The following HEATR4 variants were observed in gnomAD, a reference collection of about 807,000 sequenced individuals.
HEATR4 encodes HEAT repeat-containing protein 4.
A neutral mutation model predicts 108.8 loss-of-function variants in HEATR4; 95 were observed. The ratio of observed to expected loss-of-function variants is 0.87; its 90% CI spans 0.74 to 1.04. The LOEUF is 1.04. HEATR4 is among the 50% of genes least tolerant of loss of function. The probability of loss-of-function intolerance (pLI) is 0.00; values close to 1 mark genes in which losing one functional copy is unlikely to be tolerated. For missense variants in HEATR4, 1,152 were observed against 1,253.8 expected, an observed-to-expected ratio of 0.92 and a Z score of 1.23; for synonymous variants, 443 against 459.4, an observed-to-expected ratio of 0.96 and a Z score of 0.46.
the HEATR4 span, chr14:73,617,270 AAC>A: frequency 6.4e-7 from 1 of 1,568,694 alleles, no homozygotes; most frequent in Non-Finnish European, 8.8e-7. Context: ...GCCCTGCCAG[AAC>A]ACTGAGAACT....
chr14:73,630,540 C>CAGG, the HEATR4 span, among the ~76,000 whole-genome samples: 1 of 152,222 alleles, frequency 6.6e-6, no homozygotes, highest in East Asian at 1.9e-4. Flanking sequence ...AGTGGGGAAA[C>CAGG]CCAGCAAGGC....
In HEATR4 at chr14:73,523,015, C is replaced by A; in HGVS notation, c.138G>T (p.Val46=). 6.2e-7 allele frequency: 1 copy of A among 1,613,988 alleles called. No homozygotes were observed. The highest frequency in any genetic ancestry group is 8.5e-7 in the Non-Finnish European group (1 of 1,180,042). ...ACTGTGAGCTGAAGAAGACCATAGG[C>A]ACACTGGAGACAGAGGCACACTCCT... The part of the protein sequence containing the change: ...GKEECASVSS[V]PMVFFSSQYR... The change falls in exon 3 of 18, where the codon GTG becomes GTT. Residue 46 remains valine, a synonymous_variant. Coordinates refer to ENST00000553558, the MANE Select transcript of HEATR4 (RefSeq NM_001220484.1).
At chr14:73,567,082 C>G in the HEATR4 span, among the ~76,000 whole-genome samples, 1,117 of 152,186 alleles carry the variant, frequency 7.3e-3, 22 homozygotes, top group African/African-American at 0.025. Context: ...TCTGGGATTA[C>G]AGGTGTGAGC....
At chr14:73,575,488 A>G in the HEATR4 span, 1 of 1,508,768 alleles carries the variant, frequency 6.6e-7, no homozygotes, top group African/African-American at 1.5e-5. Context: ...GGTGGCCACG[A>G]GGGGACAATC....
At chr14:73,495,125 T>C in intron 16 of HEATR4, 103 bp downstream of exon 16, 1 of 958,370 alleles carries the variant, frequency 1.0e-6, no homozygotes, top group Non-Finnish European at 1.6e-6. Flanking sequence ...CTTTCCTGAC[T>C]CTTTCATCCT....
At chr14:73,522,146 C>T (rs946459541) in intron 3 of HEATR4, 126 bp downstream of exon 3, 22 of 967,810 alleles carry the variant, frequency 2.3e-5, no homozygotes, top group South Asian at 4.8e-5. Context: ...GAGAGCAGGC[C>T]GGTGGTGGAG....
At chr14:73,563,580 G>A (rs931530191), upstream of HEATR4, among the ~76,000 whole-genome samples, 2 of 152,032 alleles carry the variant, frequency 1.3e-5, no homozygotes, top group Non-Finnish European at 2.9e-5. Flanking sequence ...GGGGGATAGA[G>A]CGAGACTCCA....
chr14:73,486,453 T>C (rs1197664901), intron 17 of HEATR4, among the ~76,000 whole-genome samples: 1 of 152,104 alleles, frequency 6.6e-6, no homozygotes, highest in Non-Finnish European at 1.5e-5. Flanking sequence ...ATTCCAGCAC[T>C]TTGGGAGACT....
At chr14:73,619,399 G>A in the HEATR4 span, 1 of 1,614,126 alleles carries the variant, frequency 6.2e-7, no homozygotes, top group Non-Finnish European at 8.5e-7. Flanking sequence ...TCCTAAACTT[G>A]TCGATGATCT....
At chr14:73,503,809 C>T (rs1256491720) in intron 10 of HEATR4, among the ~76,000 whole-genome samples, 5 of 152,110 alleles carry the variant, frequency 3.3e-5, no homozygotes, top group Non-Finnish European at 5.9e-5. Context: ...CCTAGTGCGT[C>T]GGATGTGGTC....
chr14:73,633,814 CGCCGCAG>C, the HEATR4 span: 7 of 152,364 alleles, frequency 4.6e-5, no homozygotes, highest in Admixed American at 2.0e-4. Context: ...TGCTAAGTGG[CGCCGCAG>C]GGACCAGCCC....
At chr14:73,563,636 T>C (rs1462094711), upstream of HEATR4, among the ~76,000 whole-genome samples, 1 of 151,856 alleles carries the variant, frequency 6.6e-6, no homozygotes, top group Non-Finnish European at 1.5e-5. Flanking sequence ...AACAATGTAA[T>C]GTACTTAATA....
intron 16 of HEATR4, 80 bp downstream of exon 16, chr14:73,495,148 A>G (rs1219607275): frequency 1.5e-6 from 2 of 1,290,934 alleles, no homozygotes; most frequent in African/African-American, 3.0e-5. Flanking sequence ...AAGGCTTGCT[A>G]CTAAGTCCCA....
At chr14:73,572,738 C>T in the HEATR4 span, among the ~76,000 whole-genome samples, 127 of 148,390 alleles carry the variant, frequency 8.6e-4, 3 homozygotes, top group South Asian at 0.026. Flanking sequence ...CTCCACCTCC[C>T]GGGTTCAAGC....
chr14:73,526,141 G>A (rs1157885320), intron 2 of HEATR4, among the ~76,000 whole-genome samples: 7 of 152,156 alleles, frequency 4.6e-5, no homozygotes, highest in South Asian at 2.1e-4. Context: ...GTGGTGGAGC[G>A]AGAGGAGTGT....
the HEATR4 span, chr14:73,593,886 C>T: frequency 1.2e-6 from 2 of 1,612,290 alleles, no homozygotes; most frequent in Non-Finnish European, 1.7e-6. Context: ...CCGTATGCTA[C>T]ATGCTTCAAC....
intron 17 of HEATR4, among the ~76,000 whole-genome samples, chr14:73,482,995 A>G (rs1472829005): frequency 6.6e-6 from 1 of 152,162 alleles, no homozygotes; most frequent in African/African-American, 2.4e-5. Context: ...TTAAAACAAA[A>G]ACATTTAGGA....
Position 73,500,632 on chromosome 14 carries a change from AGGAAGCTT to A in HEATR4, c.2196_2203del (p.Ser733AlafsTer5). On this transcript the variant is annotated frameshift_variant, in exon 12 of 18. Transcript: ENST00000553558. LOFTEE classifies it high-confidence loss of function. ...TGTGAAGTCATCAGAGAAGCAGTGC[AGGAAGCTT>A]GGGAGAAGCTTGGCGGTCATAAGCT... The A allele has an allele frequency of 1.2e-6, 2 of 1,614,220 alleles. No homozygotes were observed. The highest frequency in any genetic ancestry group is 1.7e-6 in the Non-Finnish European group (2 of 1,180,046).
At chr14:73,591,605 G>C in the HEATR4 span, 6,275 of 237,674 alleles carry the variant, frequency 0.026, 382 homozygotes, top group African/African-American at 0.13. Context: ...AATTTGGCTT[G>C]ATCTCATTGG....
Sources: gnomAD v4.1 joint callset for allele counts (sites outside exome capture counted in the v4.1 genomes callset) on GRCh38, gnomAD v4.1.1 for gene constraint, MANE v1.5 for transcripts, NCBI Gene and HGNC (gene_info 2026-07-23, HGNC 2026-07-21) for gene names.